The following GPR137B variants were observed in gnomAD, a reference collection of about 807,000 sequenced individuals.
The protein encoded by GPR137B is integral membrane protein GPR137B.
GPR137B carries 42 observed loss-of-function variants against 42.5 expected under a neutral mutation model. The ratio of observed to expected loss-of-function variants is 0.99; its 90% CI spans 0.77 to 1.28. The LOEUF is 1.28. Ranked by LOEUF, GPR137B falls within the 50% of genes most tolerant of loss-of-function variation. The probability of loss-of-function intolerance (pLI) is 0.00; values close to 1 mark genes in which losing one functional copy is unlikely to be tolerated. For synonymous variants in GPR137B, 218 were observed against 209.7 expected, an observed-to-expected ratio of 1.04 and a Z score of -0.34; for missense variants, 487 against 493.9, an observed-to-expected ratio of 0.99 and a Z score of 0.13.
rs1662270651 is a variant in GPR137B, at chr1:236,163,924, C to CA, written c.415-4782_415-4781insA. Among the ~76,000 whole-genome samples, 3 of 151,662 alleles carry CA rather than the reference C, an allele frequency of 2.0e-5. 1 individual carries two copies. The highest frequency in any genetic ancestry group is 4.4e-5 in the Non-Finnish European group (3 of 67,864). On this transcript the variant is annotated intron_variant, in intron 1 of 6. Transcript: ENST00000366592. ...CCCACACCTCCCATACCTCGACACA[C>CA]TTTTCACATCTCCTCCCATCTCCTC...
chr1:236,172,127 C>G (rs1662554338), intron 2 of GPR137B, among the ~76,000 whole-genome samples: 1 of 151,710 alleles, frequency 6.6e-6, no homozygotes, highest in East Asian at 1.9e-4. Context: ...ATGGGACATG[C>G]CTGTTAACCC....
intron 5 of GPR137B, among the ~76,000 whole-genome samples, chr1:236,195,471 C>T (rs1387915452): frequency 1.3e-5 from 2 of 152,164 alleles, no homozygotes; most frequent in Non-Finnish European, 1.5e-5. Flanking sequence ...GTACCCCATT[C>T]TGTATATGTT....
At chr1:236,195,920 TC>T (rs1423634556) in intron 5 of GPR137B, among the ~76,000 whole-genome samples, 2 of 152,186 alleles carry the variant, frequency 1.3e-5, no homozygotes, top group African/African-American at 4.8e-5. Flanking sequence ...TCTGTTCAAA[TC>T]TTTTGCCCAT....
At chr1:236,170,890 C>T (rs907490605) in intron 2 of GPR137B, among the ~76,000 whole-genome samples, 19 of 150,830 alleles carry the variant, frequency 1.3e-4, no homozygotes, top group Admixed American at 2.6e-4. Context: ...TTGGGAGAAT[C>T]GCTTAAGCCT....
chr1:236,206,253 TGAAACTGA>T (rs1335020708), intron 6 of GPR137B, among the ~76,000 whole-genome samples: 2 of 152,202 alleles, frequency 1.3e-5, no homozygotes, highest in Admixed American at 6.5e-5. Flanking sequence ...ATAATACAGA[TGAAACTGA>T]GGTATCTAGA....
intron 1 of GPR137B, among the ~76,000 whole-genome samples, chr1:236,166,483 T>TA (rs1471740379): frequency 7.7e-6 from 1 of 129,746 alleles, no homozygotes; most frequent in Non-Finnish European, 1.5e-5. Context: ...ATTATATATA[T>TA]TTATATATAC....
chr1:236,182,051 C>G (rs1236431068), intron 4 of GPR137B, among the ~76,000 whole-genome samples: 1 of 151,914 alleles, frequency 6.6e-6, no homozygotes, highest in African/African-American at 2.4e-5. Flanking sequence ...CGCCACCATG[C>G]CGGCTAATTT....
At chr1:236,193,328 A>G (rs565378433) in intron 5 of GPR137B, among the ~76,000 whole-genome samples, 1 of 152,322 alleles carries the variant, frequency 6.6e-6, no homozygotes, top group East Asian at 1.9e-4. Context: ...TAAGGCTGTT[A>G]TAAACATTTG....
chr1:236,184,876 C>T (rs1662977851), intron 5 of GPR137B, among the ~76,000 whole-genome samples: 1 of 152,102 alleles, frequency 6.6e-6, no homozygotes, highest in South Asian at 2.1e-4. Flanking sequence ...AAGCGATTCT[C>T]CTGCCTCAGC....
chr1:236,207,054 C>A, intron 6 of GPR137B: 1 of 621,836 alleles, frequency 1.6e-6, no homozygotes, highest in Non-Finnish European at 2.0e-6. Flanking sequence ...TATATGCTTG[C>A]CTTTTTACTC....
rs143830042 is a variant in GPR137B, at chr1:236,183,861, C to T, written c.921C>T (p.Thr307=). 2 of 1,606,444 alleles carry T rather than the reference C, an allele frequency of 1.2e-6. No individual in the cohort carries two copies. Among genetic ancestry groups the T allele is most frequent in the African/African-American group, 2.7e-5 (2 of 74,866 alleles). The part of the protein sequence containing the change: ...VLFVWELLPT[T]LVVYFFRVRN... ...TTGTTTGGGAACTCTTACCTACCAC[C>T]TTAGTCGTTTATTTCTTCCGAGTTA... Residue 307 remains threonine, a synonymous_variant, in exon 5 of 7, where the codon ACC becomes ACT. Transcript: ENST00000366592.
At chr1:236,188,532 G>T (rs969227152) in intron 5 of GPR137B, among the ~76,000 whole-genome samples, 2 of 152,102 alleles carry the variant, frequency 1.3e-5, no homozygotes, top group Non-Finnish European at 2.9e-5. Context: ...CCATGAACGG[G>T]TGTTGAATTT....
At chr1:236,147,881 G>T (rs74149570) in intron 1 of GPR137B, among the ~76,000 whole-genome samples, 1 of 152,164 alleles carries the variant, frequency 6.6e-6, no homozygotes, top group African/African-American at 2.4e-5. Flanking sequence ...TGGGAACATG[G>T]GGAGGCGGCT....
rs1207991606 is a variant in GPR137B at position 236,155,653 on chromosome 1, G to A, written c.414+12617G>A. On this transcript the variant is annotated intron_variant, in intron 1 of 6. Transcript: ENST00000366592. This position sits in a 1 kb window ranked among gnomAD's most constrained non-coding sequence, Gnocchi z 4.6. ...TGGCCAGCCTGTGTTGGCGCCGTTG[G>A]ATGGAGTGAAGCTCAGTTTATGAGG... Among the ~76,000 whole-genome samples, 1 of 152,102 alleles carries A rather than the reference G, an allele frequency of 6.6e-6. No homozygotes were observed. The highest frequency in any genetic ancestry group is 2.4e-5 in the African/African-American group (1 of 41,430).
Position 236,185,116 on chromosome 1 carries a change from A to G in GPR137B, c.966+1210A>G, listed in dbSNP as rs966278470. ...CTACACTGTAGCTTTCTCTGGCATC[A>G]TAAGGTTTTGAGAAGAAATTATATT... On this transcript the variant is annotated intron_variant, in intron 5 of 6. Coordinates refer to ENST00000366592, the MANE Select transcript of GPR137B (RefSeq NM_003272.4). Among the ~76,000 whole-genome samples, 9 of 152,216 alleles carry G rather than the reference A, an allele frequency of 5.9e-5. No homozygotes were observed. In the East Asian group the frequency reaches 1.7e-3, roughly 29 times the overall value.
chr1:236,201,004 G>T (rs902417790), intron 5 of GPR137B, among the ~76,000 whole-genome samples: 1 of 151,712 alleles, frequency 6.6e-6, no homozygotes, highest in Admixed American at 6.6e-5. Context: ...ACTCCTTTTA[G>T]CATTTCTTGT....
intron 2 of GPR137B, among the ~76,000 whole-genome samples, chr1:236,178,086 A>G (rs1245429110): frequency 6.6e-6 from 1 of 152,150 alleles, no homozygotes; most frequent in Non-Finnish European, 1.5e-5. Flanking sequence ...GAATGCCTAT[A>G]AAACGCCATC....
At chr1:236,164,595 G>C (rs1424592012) in intron 1 of GPR137B, among the ~76,000 whole-genome samples, 1 of 152,254 alleles carries the variant, frequency 6.6e-6, no homozygotes, top group Admixed American at 6.5e-5. Flanking sequence ...CTTTAGCAAA[G>C]TCTCTCAGAA....
chr1:236,160,631 G>A (rs923397700), intron 1 of GPR137B, among the ~76,000 whole-genome samples: 2 of 152,146 alleles, frequency 1.3e-5, no homozygotes, highest in African/African-American at 2.4e-5. Context: ...ACAAACATGC[G>A]CTTTTGGAAA....
Sources: gnomAD v4.1 joint callset for allele counts (sites outside exome capture counted in the v4.1 genomes callset) on GRCh38, gnomAD v4.1.1 for gene constraint, Gnocchi (gnomAD v3.1) non-coding constraint, MANE v1.5 for transcripts, NCBI Gene and HGNC (gene_info 2026-07-23, HGNC 2026-07-21) for gene names.